The following CDK14 variants were observed in gnomAD, a reference collection of about 807,000 sequenced individuals.
CDK14 encodes the protein cyclin dependent kinase 14.
In CDK14, 34 loss-of-function variants were observed where a neutral mutation model predicts 60.7. The observed-to-expected ratio is 0.56, with a 90% CI of 0.43 to 0.75. The LOEUF is 0.75. CDK14 is among the 30% of genes least tolerant of loss of function. The pLI is 0.00. For missense variants in CDK14, 482 were observed against 564.1 expected (o/e 0.85, Z 1.47); for synonymous variants, 197 against 203.7 (o/e 0.97, Z 0.28).
At chr7:90,881,844 G>C (rs917078159) in intron 6 of CDK14, among the ~76,000 whole-genome samples, 10 of 152,128 alleles carry the variant, frequency 6.6e-5, no homozygotes, top group African/African-American at 2.2e-4. Flanking sequence ...ACTAAGCTTC[G>C]TAAGCAAAGA....
intron 2 of CDK14, among the ~76,000 whole-genome samples, chr7:90,724,051 GC>G (rs1802547778): frequency 6.6e-6 from 1 of 152,114 alleles, no homozygotes; most frequent in Non-Finnish European, 1.5e-5. Context: ...CACCAGTGGT[GC>G]CACCTGGCCC....
intron 3 of CDK14, among the ~76,000 whole-genome samples, chr7:90,732,016 C>T (rs907459520): frequency 5.3e-5 from 8 of 152,128 alleles, no homozygotes; most frequent in Non-Finnish European, 1.2e-4. Context: ...AACATCCCAT[C>T]AATACCTAGT....
At chr7:90,615,057 T>C (rs1799621719) in intron 2 of CDK14, among the ~76,000 whole-genome samples, 1 of 152,208 alleles carries the variant, frequency 6.6e-6, no homozygotes, top group Non-Finnish European at 1.5e-5. Flanking sequence ...TTAATAGTTT[T>C]CCTGTTTTTC....
chr7:91,123,926 A>AT, intron 14 of CDK14, among the ~76,000 whole-genome samples: 1 of 151,812 alleles, frequency 6.6e-6, no homozygotes, highest in Non-Finnish European at 1.5e-5. Context: ...TTATTTTGTT[A>AT]TTTGTTTTTT....
chr7:90,952,064 G>C (rs1794279548), intron 8 of CDK14, among the ~76,000 whole-genome samples: 1 of 152,132 alleles, frequency 6.6e-6, no homozygotes, highest in South Asian at 2.1e-4. Context: ...AAAAGGGGTA[G>C]GTCCCAGAAG....
intron 6 of CDK14, among the ~76,000 whole-genome samples, chr7:90,877,894 A>G (rs1791614909): frequency 1.3e-5 from 2 of 152,148 alleles, no homozygotes; most frequent in Admixed American, 1.3e-4. Flanking sequence ...GGGCAACATG[A>G]TCATTCTTGT....
chr7:90,864,865 A>G (rs1032042909), intron 6 of CDK14, among the ~76,000 whole-genome samples: 1 of 152,154 alleles, frequency 6.6e-6, no homozygotes, highest in African/African-American at 2.4e-5. Flanking sequence ...GAGACATCCC[A>G]TGTGCTTTTA....
At chr7:90,935,417 A>G (rs1562834749) in intron 8 of CDK14, among the ~76,000 whole-genome samples, 3 of 152,388 alleles carry the variant, frequency 2.0e-5, no homozygotes, top group Admixed American at 6.5e-5. Flanking sequence ...TATTTTTAAA[A>G]GTAAATTCAA....
intron 5 of CDK14, among the ~76,000 whole-genome samples, chr7:90,842,165 T>C (rs1311971683): frequency 2.0e-5 from 3 of 152,192 alleles, no homozygotes; most frequent in Non-Finnish European, 4.4e-5. Context: ...GTTTGTTATG[T>C]ACTAGGCAAA....
intron 5 of CDK14, among the ~76,000 whole-genome samples, chr7:90,799,690 C>CAAAAA (rs11353946): frequency 5.6e-5 from 3 of 53,528 alleles, no homozygotes; most frequent in Admixed American, 3.1e-4. Context: ...AACTCCATCT[C>CAAAAA]AAAAAAAAAA....
chr7:91,056,586 G>A (rs1383390292), intron 11 of CDK14, among the ~76,000 whole-genome samples: 4 of 143,226 alleles, frequency 2.8e-5, no homozygotes, highest in African/African-American at 5.2e-5. Context: ...AGGCCCCGGC[G>A]TGTGATGTTC....
intron 2 of CDK14, among the ~76,000 whole-genome samples, chr7:90,640,252 G>A (rs904218054): frequency 1.3e-5 from 2 of 151,980 alleles, no homozygotes; most frequent in African/African-American, 4.8e-5. Flanking sequence ...GTTCCTATTC[G>A]GCCATCTTGG....
intron 7 of CDK14, among the ~76,000 whole-genome samples, chr7:90,911,315 A>AAGAT (rs1226844060): frequency 6.6e-5 from 10 of 152,234 alleles, no homozygotes; most frequent in African/African-American, 2.4e-4. Context: ...ATGGTTAACA[A>AAGAT]AGATATCTAA....
At chr7:91,190,595 T>C (rs562258759) in intron 14 of CDK14, among the ~76,000 whole-genome samples, 6 of 152,196 alleles carry the variant, frequency 3.9e-5, no homozygotes, top group Non-Finnish European at 8.8e-5. Context: ...GTTCAAGCGA[T>C]TGTCATGCCT....
rs375041425 is a variant in CDK14, at chr7:90,753,270, AT to A, written c.464+5496del. Among the ~76,000 whole-genome samples the A allele has an allele frequency of 2.6e-5, 4 of 152,332 alleles. No homozygotes were observed. In the South Asian group the frequency reaches 8.3e-4, roughly 32 times the overall value. On this transcript the variant is annotated intron_variant, in intron 4 of 14. Coordinates refer to ENST00000380050, the MANE Select transcript of CDK14 (RefSeq NM_001287135.2). Reference sequence around the variant, plus strand: ...ACCAGCAAACCAAATCCAGCAGCACATCAAAAAGATCATTCACCACAATCAA... The same window carrying A: ...ACCAGCAAACCAAATCCAGCAGCACACAAAAAGATCATTCACCACAATCAA...
chr7:91,044,758 G>A (rs1015214153), intron 10 of CDK14, among the ~76,000 whole-genome samples: 2 of 152,002 alleles, frequency 1.3e-5, no homozygotes, highest in African/African-American at 4.8e-5. Context: ...TAACCTGTTT[G>A]TCTATCCATT....
At chr7:90,771,587 A>T (rs116112612) in intron 4 of CDK14, among the ~76,000 whole-genome samples, 1,959 of 152,336 alleles carry the variant, frequency 0.013, 58 homozygotes, top group African/African-American at 0.045. Flanking sequence ...TGGGCTTAGA[A>T]TGGTCAAATA....
chr7:90,781,649 C>G (rs1379659001), intron 4 of CDK14, among the ~76,000 whole-genome samples: 3 of 151,212 alleles, frequency 2.0e-5, no homozygotes, highest in Non-Finnish European at 2.9e-5. Flanking sequence ...AGCCAGTTTT[C>G]CCAGCACCAT....
At chr7:90,762,823 C>CA (rs572706573) in intron 4 of CDK14, among the ~76,000 whole-genome samples, 130 of 151,932 alleles carry the variant, frequency 8.6e-4, no homozygotes, top group Admixed American at 4.1e-3. Context: ...CTGTCTCTAA[C>CA]AAAAAACACA....
Sources: gnomAD v4.1 joint callset for allele counts (sites outside exome capture counted in the v4.1 genomes callset) on GRCh38, gnomAD v4.1.1 for gene constraint, MANE v1.5 for transcripts, NCBI Gene and HGNC (gene_info 2026-07-23, HGNC 2026-07-21) for gene names.